Variants in MORC3 observed in about 807,000 individuals in gnomAD.
MORC3 encodes MORC family CW-type zinc finger 3.
A neutral mutation model predicts 109.1 loss-of-function variants in MORC3; 31 were observed. The ratio of observed to expected loss-of-function variants is 0.28; its 90% CI spans 0.21 to 0.38. The LOEUF (loss-of-function observed/expected upper bound fraction) is 0.38, where lower values mean the gene tolerates loss of function less well. Ranked by LOEUF, MORC3 falls within the 10% of genes least tolerant of loss-of-function variation. The probability of loss-of-function intolerance (pLI) is 1.00; values close to 1 mark genes in which losing one functional copy is unlikely to be tolerated. For synonymous variants in MORC3, 395 were observed against 380.7 expected, an observed-to-expected ratio of 1.04 and a Z score of -0.44; for missense variants, 867 against 1,135.8, an observed-to-expected ratio of 0.76 and a Z score of 3.40.
At chr21:36,365,507 G>A (rs139545341) in intron 14 of MORC3, among the ~76,000 whole-genome samples, 1 of 152,240 alleles carries the variant, frequency 6.6e-6, no homozygotes, top group East Asian at 1.9e-4. Flanking sequence ...TTGACCCCAA[G>A]GAAGATTATA....
chr21:36,344,952 A>G lies in MORC3; in HGVS notation c.926A>G (p.Asn309Ser), dbSNP rs1420894768. The G allele has an allele frequency of 6.2e-7, 1 of 1,611,574 alleles. No individual in the cohort carries two copies. The highest frequency in any genetic ancestry group is 8.5e-7 in the Non-Finnish European group (1 of 1,179,002). ...VRITFGFNCR[N>S]KDHYGIMMYH... ...ATTACCTTTGGATTCAACTGCAGAAATAAAGATCATTATGGGATAATGATG... is the reference window on the plus strand; with the variant it reads ...ATTACCTTTGGATTCAACTGCAGAAGTAAAGATCATTATGGGATAATGATG... Residue 309 changes from asparagine (N) to serine (S), a missense_variant, in exon 8 of 17, where the codon AAT (asparagine) becomes AGT (serine). This residue lies in a region of MORC3 where 120 missense variants were observed against 259.7 expected (regional missense o/e 0.46). Coordinates refer to ENST00000400485, the MANE Select transcript of MORC3 (RefSeq NM_015358.3).
In MORC3 at chr21:36,364,081, T is replaced by C; in HGVS notation, c.1453-12T>C. Reference sequence around the variant, plus strand: ...ATAGTTCCTTTAAGGTGATGATTTTTCCCTCCAACAGATTAATGCTGAACT... The same window carrying C: ...ATAGTTCCTTTAAGGTGATGATTTTCCCCTCCAACAGATTAATGCTGAACT... On this transcript the variant is annotated splice_polypyrimidine_tract_variant and intron_variant, in intron 13 of 16. Transcript: ENST00000400485. The C allele has an allele frequency of 6.2e-7, 1 of 1,608,642 alleles. No individual in the cohort carries two copies. Among genetic ancestry groups the C allele is most frequent in the Non-Finnish European group, 8.5e-7 (1 of 1,177,872 alleles).
At chr21:36,367,039 A>T (rs954820509) in intron 14 of MORC3, among the ~76,000 whole-genome samples, 1 of 152,122 alleles carries the variant, frequency 6.6e-6, no homozygotes, top group East Asian at 1.9e-4. Flanking sequence ...TGGAAGATAG[A>T]TAGGGGTGAG....
chr21:36,325,960 A>G (rs1025633117), intron 1 of MORC3, among the ~76,000 whole-genome samples: 1 of 152,200 alleles, frequency 6.6e-6, no homozygotes, highest in Non-Finnish European at 1.5e-5. Context: ...ACGCCTCAGC[A>G]CTTTGGGAGG....
At chr21:36,340,951 T>G (rs1326924725) in intron 5 of MORC3, among the ~76,000 whole-genome samples, 1 of 152,230 alleles carries the variant, frequency 6.6e-6, no homozygotes, top group Non-Finnish European at 1.5e-5. Flanking sequence ...TGCACTTTTT[T>G]CTTGCTGAGT....
At chr21:36,329,673 T>C (rs932174547) in intron 1 of MORC3, among the ~76,000 whole-genome samples, 1 of 152,178 alleles carries the variant, frequency 6.6e-6, no homozygotes, top group African/African-American at 2.4e-5. Flanking sequence ...TGACAGGAAG[T>C]TGGGGTCAGA....
chr21:36,362,282 C>T, intron 13 of MORC3, 54 bp downstream of exon 13: 10 of 1,541,310 alleles, frequency 6.5e-6, no homozygotes, highest in Non-Finnish European at 7.0e-6. Context: ...GGGGCTGACA[C>T]CCGTAATCCC....
intron 9 of MORC3, among the ~76,000 whole-genome samples, chr21:36,350,542 CAAAAA>C (rs34750900): frequency 4.3e-5 from 5 of 116,304 alleles, no homozygotes; most frequent in East Asian, 2.7e-4. Flanking sequence ...CACCCTGCCT[CAAAAA>C]AAAAAAAAAA....
chr21:36,373,392 G>A (rs954524040), intron 16 of MORC3, among the ~76,000 whole-genome samples: 6 of 152,048 alleles, frequency 3.9e-5, no homozygotes, highest in African/African-American at 1.4e-4. Flanking sequence ...GGGAGGCCAA[G>A]ATGGGTGGAT....
intron 16 of MORC3, 147 bp from the exon 17 acceptor site, chr21:36,374,996 T>C (rs2085914069): frequency 1.4e-6 from 1 of 715,620 alleles, no homozygotes; most frequent in Non-Finnish European, 2.1e-6. Context: ...TAAAGTAAAT[T>C]GAGTTCTCTA....
chr21:36,354,287 C>G (rs1038327804), intron 9 of MORC3, among the ~76,000 whole-genome samples: 1 of 147,696 alleles, frequency 6.8e-6, no homozygotes, highest in Non-Finnish European at 1.5e-5. Flanking sequence ...TTCTGTCTGA[C>G]TTATTTCCAT....
In MORC3 at chr21:36,341,107, T is replaced by A. The variant is rs959648369; in HGVS notation, c.609-292T>A. ...AGTCTTCATTTTTCTGAAATAAATA[T>A]CTAGAAGTGTAATTGCTGTATCATA... On this transcript the variant is annotated intron_variant, in intron 5 of 16. Transcript: ENST00000400485. Among the ~76,000 whole-genome samples, 5 of 152,230 alleles carry A rather than the reference T, an allele frequency of 3.3e-5. 2 individuals carry two copies. The South Asian group carries it at 1.0e-3, about 31-fold the overall frequency.
rs1459265718 is a variant in MORC3 at position 36,337,023 on chromosome 21, C to T, written c.245+17C>T. ...AATGCTAAGGTAGGTAAAAATGTGC[C>T]ACACTTCTTAAAATTGTTGCTTTTA... On this transcript the variant is annotated intron_variant, in intron 3 of 16. Transcript: ENST00000400485. The T allele has an allele frequency of 2.5e-6, 4 of 1,601,514 alleles. No individual in the cohort carries two copies. The South Asian group carries it at 3.4e-5, about 14-fold the overall frequency.
At position 36,350,323 on chromosome 21, in the gene MORC3, C is replaced by T. The variant is rs147357460; in HGVS notation, c.1103+915C>T. Among the ~76,000 whole-genome samples the T allele has an allele frequency of 2.4e-3, 361 of 151,856 alleles. 1 individual carries two copies. The highest frequency in any genetic ancestry group is 8.3e-3 in the African/African-American group (344 of 41,416). Reference sequence around the variant, plus strand: ...TCCCGTCTCAGGAAAAAAAAGACCACGTACAGTGGCTTACACCTGTAATCC... The same window carrying T: ...TCCCGTCTCAGGAAAAAAAAGACCATGTACAGTGGCTTACACCTGTAATCC... On this transcript the variant is annotated intron_variant, in intron 9 of 16. Coordinates refer to ENST00000400485, the MANE Select transcript of MORC3 (RefSeq NM_015358.3).
chr21:36,370,661 T>G (rs1430757620), intron 15 of MORC3, among the ~76,000 whole-genome samples: 1 of 116,458 alleles, frequency 8.6e-6, no homozygotes, highest in South Asian at 3.2e-4. Flanking sequence ...TTTTTTTTTT[T>G]TTTTTTTTTT....
chr21:36,347,693 T>A (rs2085524936), intron 8 of MORC3, among the ~76,000 whole-genome samples: 1 of 152,216 alleles, frequency 6.6e-6, no homozygotes, highest in Non-Finnish European at 1.5e-5. Flanking sequence ...CAGAAAAGGC[T>A]TCTTAGAGAA....
At position 36,369,071 on chromosome 21, in the gene MORC3, A is replaced by G. The variant is rs753371900; in HGVS notation, c.1703A>G (p.Tyr568Cys). The G allele has an allele frequency of 6.2e-7, 1 of 1,614,202 alleles. No homozygotes were observed. The highest frequency in any genetic ancestry group is 1.3e-5 in the African/African-American group (1 of 75,060). The change falls in exon 15 of 17, where the codon TAT becomes TGT. Residue 568 changes from tyrosine to cysteine, a missense_variant. Physicochemically the swap from Tyr to Cys is radical, Grantham distance 194 (BLOSUM62 -2). Around this residue, in one of 7 missense-constraint regions of MORC3, gnomAD observed 486 missense variants for 502.1 expected, o/e 0.97. Transcript: ENST00000400485. Reference protein sequence around the residue: ...RLSSQFENSVYKGDDDDEDVI... With the variant: ...RLSSQFENSVCKGDDDDEDVI... ...AGTAGTCAGTTTGAAAATTCAGTTT[A>G]TAAAGGTGATGATGATGATGAAGAT...
chr21:36,354,126 T>C (rs190034259), intron 9 of MORC3, among the ~76,000 whole-genome samples: 150 of 151,842 alleles, frequency 9.9e-4, no homozygotes, highest in Non-Finnish European at 1.5e-3. Flanking sequence ...ATATATGTAC[T>C]GTTCATTAAG....
At chr21:36,354,603 C>T (rs914414242) in intron 9 of MORC3, among the ~76,000 whole-genome samples, 1 of 152,130 alleles carries the variant, frequency 6.6e-6, no homozygotes, top group Non-Finnish European at 1.5e-5. Flanking sequence ...GTGCCCAGTG[C>T]ATTTTTATTT....
Sources: gnomAD v4.1 joint callset for allele counts (sites outside exome capture counted in the v4.1 genomes callset) on GRCh38, gnomAD v4.1.1 for gene constraint, gnomAD v4.1.1 regional missense constraint, MANE v1.5 for transcripts, NCBI Gene and HGNC (gene_info 2026-07-23, HGNC 2026-07-21) for gene names.